The following NBEAL1 variants were observed in gnomAD, a reference collection of about 807,000 sequenced individuals.
NBEAL1 encodes the protein neurobeachin-like protein 1.
In NBEAL1, 273 loss-of-function variants were observed where a neutral mutation model predicts 351.3. That is an observed-to-expected ratio of 0.78 (90% CI 0.70 to 0.86). The LOEUF (loss-of-function observed/expected upper bound fraction) is 0.86, where lower values mean the gene tolerates loss of function less well. Ranked by LOEUF, NBEAL1 falls within the 40% of genes least tolerant of loss-of-function variation. NBEAL1 has a pLI of 0.00. For missense variants in NBEAL1, 2,961 were observed against 3,201.3 expected, an observed-to-expected ratio of 0.92 and a Z score of 1.81; for synonymous variants, 1,050 against 1,086.4, an observed-to-expected ratio of 0.97 and a Z score of 0.66.
intron 2 of NBEAL1, among the ~76,000 whole-genome samples, chr2:203,041,376 A>C (rs1305258884): frequency 6.6e-6 from 1 of 152,210 alleles, no homozygotes; most frequent in East Asian, 1.9e-4. Context: ...GGGAGTAGCC[A>C]TTCAGATACC....
At chr2:203,118,620 C>T (rs1373396156) in intron 18 of NBEAL1, among the ~76,000 whole-genome samples, 1 of 145,764 alleles carries the variant, frequency 6.9e-6, no homozygotes, top group Non-Finnish European at 1.5e-5. Flanking sequence ...GAGATGGAGT[C>T]TCGCTCTCTC....
At chr2:203,081,770 G>A (rs2061877703) in intron 8 of NBEAL1, among the ~76,000 whole-genome samples, 1 of 152,128 alleles carries the variant, frequency 6.6e-6, no homozygotes, top group Non-Finnish European at 1.5e-5. Context: ...AGGGGGTAAG[G>A]AAGAAGGATA....
At chr2:203,091,015 A>T (rs1392198948) in intron 10 of NBEAL1, among the ~76,000 whole-genome samples, 1 of 152,206 alleles carries the variant, frequency 6.6e-6, no homozygotes, top group East Asian at 1.9e-4. Flanking sequence ...AAAATTTAGC[A>T]TCTTAACCAT....
chr2:203,117,718 G>C (rs540638013), intron 18 of NBEAL1, among the ~76,000 whole-genome samples: 37 of 152,208 alleles, frequency 2.4e-4, no homozygotes, highest in Middle Eastern at 3.4e-3. Context: ...TTCTCAGTCT[G>C]CTACCCAGGT....
intron 6 of NBEAL1, chr2:203,061,346 C>T (rs1479220969): frequency 6.6e-6 from 1 of 152,078 alleles, no homozygotes; most frequent in African/African-American, 2.4e-5. Flanking sequence ...TTCATTTGTT[C>T]TAATAGAACT....
chr2:203,055,054 G>A (rs138383894), intron 4 of NBEAL1, among the ~76,000 whole-genome samples: 24 of 152,216 alleles, frequency 1.6e-4, no homozygotes, highest in African/African-American at 5.5e-4. Flanking sequence ...TCTAAATGCA[G>A]GTCTCATCTC....
chr2:203,039,623 A>G (rs2061105877), intron 2 of NBEAL1, among the ~76,000 whole-genome samples: 1 of 151,970 alleles, frequency 6.6e-6, no homozygotes, highest in Non-Finnish European at 1.5e-5. Context: ...CAAACCCCTG[A>G]CCTCAGGTGA....
Position 203,157,684 on chromosome 2 carries a change from T to C in NBEAL1, c.5588-15T>C. On this transcript the variant is annotated splice_polypyrimidine_tract_variant and intron_variant, in intron 35 of 55. Coordinates refer to ENST00000683969, the MANE Select transcript of NBEAL1 (RefSeq NM_001378026.1). ...TTTTACTTTATGTTTAATAGATATTTTGTGTTTAAAACAGGTATCCAACAC... is the reference window on the plus strand; with the variant it reads ...TTTTACTTTATGTTTAATAGATATTCTGTGTTTAAAACAGGTATCCAACAC... The C allele has an allele frequency of 6.4e-7, 1 of 1,554,380 alleles. No homozygotes were observed. The highest frequency in any genetic ancestry group is 8.6e-7 in the Non-Finnish European group (1 of 1,156,754).
intron 6 of NBEAL1, among the ~76,000 whole-genome samples, chr2:203,060,812 A>G (rs1385606408): frequency 6.6e-6 from 1 of 152,260 alleles, no homozygotes; most frequent in East Asian, 1.9e-4. Context: ...AGAATTTCTT[A>G]CTAGTGAGAG....
intron 44 of NBEAL1, among the ~76,000 whole-genome samples, chr2:203,186,393 GA>G: frequency 6.6e-6 from 1 of 152,198 alleles, no homozygotes; most frequent in Non-Finnish European, 1.5e-5. Flanking sequence ...AAGGATAAGA[GA>G]ACTTATAAAC....
At position 203,053,979 on chromosome 2, in the gene NBEAL1, C is replaced by T. The variant is rs570505476; in HGVS notation, c.306-2448C>T. On this transcript the variant is annotated intron_variant, in intron 4 of 55. Transcript: ENST00000683969. ...AAAAAAATTGAGACAGAGTCTTGCT[C>T]CATCTGTACACTCCAGGCTGGAGTG... 5.9e-5 allele frequency among the ~76,000 whole-genome samples: 9 copies of T among 152,106 alleles called. No individual in the cohort carries two copies. The South Asian group carries it at 1.7e-3, about 28-fold the overall frequency.
chr2:203,144,539 T>A, intron 31 of NBEAL1, 61 bp from the exon 32 acceptor site: 2 of 1,465,338 alleles, frequency 1.4e-6, no homozygotes, highest in Non-Finnish European at 1.8e-6. Context: ...AGGCAGAACT[T>A]GTGCTTTCAC....
At chr2:203,141,344 T>G (rs1175827520) in intron 31 of NBEAL1, among the ~76,000 whole-genome samples, 3 of 38,752 alleles carry the variant, frequency 7.7e-5, no homozygotes, top group African/African-American at 1.8e-4. Context: ...TAAGACAGAT[T>G]ATTATTATTA....
At position 203,127,934 on chromosome 2, in the gene NBEAL1, A is replaced by G; in HGVS notation, c.3402A>G (p.Glu1134=). The part of the protein sequence containing the change: ...MGYIAATNEE[E]QLFGILDVLF... ...ACATAGCTGCTACTAATGAAGAAGA[A>G]CAGGTATTATGCCTAAGATACATCT... Residue 1134 remains glutamate (E), a synonymous_variant, in exon 24 of 56, where the codon GAA becomes GAG. Coordinates refer to ENST00000683969, the MANE Select transcript of NBEAL1 (RefSeq NM_001378026.1). 1 of 1,548,108 alleles carries G rather than the reference A, an allele frequency of 6.5e-7. No homozygotes were observed. The highest frequency in any genetic ancestry group is 1.7e-4 in the Middle Eastern group (1 of 5,964).
At position 203,049,826 on chromosome 2, in the gene NBEAL1, G is replaced by T. The variant is rs753069176; in HGVS notation, c.156G>T (p.Met52Ile). The part of the protein sequence containing the change: ...FEKLPTRVDD[M>I]PPGISLLPDN... ...CTTTCTGTTGTAGGGTAGATGATAT[G>T]CCTCCAGGAATATCTCTGCTTCCTG... The change falls in exon 4 of 56, where the codon ATG becomes ATT. Residue 52 changes from methionine (M) to isoleucine (I), a missense_variant. By Grantham distance (10) the Met-to-Ile change is conservative. Coordinates refer to ENST00000683969, the MANE Select transcript of NBEAL1 (RefSeq NM_001378026.1). The T allele has an allele frequency of 7.1e-6, 11 of 1,551,104 alleles. No homozygotes were observed. Among genetic ancestry groups the T allele is most frequent in the Middle Eastern group, 1.7e-4 (1 of 5,982 alleles).
At chr2:203,106,317 A>G (rs574292401) in intron 12 of NBEAL1, among the ~76,000 whole-genome samples, 1 of 152,344 alleles carries the variant, frequency 6.6e-6, no homozygotes, top group Admixed American at 6.5e-5. Flanking sequence ...GTTTTCTGAA[A>G]CATGCCTTTC....
chr2:203,045,558 C>G (rs1266431174), intron 3 of NBEAL1, among the ~76,000 whole-genome samples: 1 of 152,130 alleles, frequency 6.6e-6, no homozygotes, highest in Non-Finnish European at 1.5e-5. Flanking sequence ...TTATAATATG[C>G]TTTGTGGCTT....
chr2:203,107,195 A>AT (rs2062457904), intron 12 of NBEAL1, among the ~76,000 whole-genome samples: 1 of 152,166 alleles, frequency 6.6e-6, no homozygotes, highest in South Asian at 2.1e-4. Flanking sequence ...AATTTCATTT[A>AT]TTTTGAATTT....
At chr2:203,027,781 A>T (rs992598447) in intron 2 of NBEAL1, among the ~76,000 whole-genome samples, 1 of 152,110 alleles carries the variant, frequency 6.6e-6, no homozygotes, top group Non-Finnish European at 1.5e-5. Flanking sequence ...TAATCGTAGT[A>T]GCTCCCTATA....
Sources: allele counts gnomAD v4.1 joint callset (sites outside exome capture counted in the v4.1 genomes callset), GRCh38; gene constraint gnomAD v4.1.1; transcripts MANE v1.5; gene names NCBI Gene and HGNC (gene_info 2026-07-23, HGNC 2026-07-21).